RGS12: variants seen among roughly 807,000 people sequenced by gnomAD.
The protein encoded by RGS12 is regulator of G protein signaling 12.
In RGS12, 66 loss-of-function variants were observed where a neutral mutation model predicts 120.1. The observed-to-expected ratio is 0.55, with a 90% CI of 0.45 to 0.67. RGS12 has a LOEUF of 0.67. Among genes scored for constraint, RGS12 ranks in the 30% least tolerant of loss-of-function variants. RGS12 has a pLI of 0.00. For synonymous variants in RGS12, 827 were observed against 804.7 expected (o/e 1.03, Z -0.47); for missense variants, 1,859 against 1,957.7 (o/e 0.95, Z 0.95).
At chr4:3,423,225 C>A (rs113198618) in intron 12 of RGS12, among the ~76,000 whole-genome samples, 1 of 152,196 alleles carries the variant, frequency 6.6e-6, no homozygotes, top group Non-Finnish European at 1.5e-5. Context: ...GCCCAGCCCC[C>A]TAAGATGCCG....
At chr4:3,342,427 C>T (rs976840582) in intron 2 of RGS12, 35 of 1,266,796 alleles carry the variant, frequency 2.8e-5, no homozygotes, top group Non-Finnish European at 3.2e-5. Flanking sequence ...TTATTTCCTG[C>T]GCCGGAGTTG....
intron 1 of RGS12, among the ~76,000 whole-genome samples, chr4:3,293,435 C>A (rs1331169228): frequency 1.9e-4 from 28 of 145,718 alleles, no homozygotes; most frequent in Non-Finnish European, 3.2e-4. Context: ...GCGGGACCCG[C>A]GGGGGCGGCG....
At position 3,430,392 on chromosome 4, in the gene RGS12, GT is replaced by G; in HGVS notation, c.3566-11del. 1 of 1,602,008 alleles carries G rather than the reference GT, an allele frequency of 6.2e-7. No individual in the cohort carries two copies. Among genetic ancestry groups the G allele is most frequent in the African/African-American group, 1.3e-5 (1 of 74,472 alleles). On this transcript the variant is annotated splice_polypyrimidine_tract_variant and intron_variant, in intron 16 of 17. Coordinates refer to ENST00000336727, the MANE Select transcript of RGS12 (RefSeq NM_001394154.1). ...ACTCTCTAAAACACGGTCACTCTGG[GT>G]TTTCTTCCAATAGAGTTTTTTGAGC...
At chr4:3,348,069 C>G (rs1713989381) in intron 3 of RGS12, among the ~76,000 whole-genome samples, 1 of 152,234 alleles carries the variant, frequency 6.6e-6, no homozygotes, top group Non-Finnish European at 1.5e-5. Context: ...CTTTGAGGCT[C>G]TCCAGAAGCT....
intron 14 of RGS12, among the ~76,000 whole-genome samples, chr4:3,427,727 C>T (rs557176599): frequency 6.6e-6 from 1 of 151,954 alleles, no homozygotes; most frequent in South Asian, 2.1e-4. Context: ...CAGAGTGAGA[C>T]TCTGTCTCAA....
Position 3,389,284 on chromosome 4 carries a change from T to C in RGS12, c.2020+2847T>C, listed in dbSNP as rs1454846018. ...CCTCGGGAAAAAGGGTTACAGCTGG[T>C]CTCTGGGGGGCACGGCAGGGCTGTG... On this transcript the variant is annotated intron_variant, in intron 4 of 17. Coordinates refer to ENST00000336727, the MANE Select transcript of RGS12 (RefSeq NM_001394154.1). The surrounding 1 kb of genome is among the most constrained non-coding windows in gnomAD (Gnocchi z 5.2). Among the ~76,000 whole-genome samples the C allele has an allele frequency of 6.6e-6, 1 of 152,012 alleles. No homozygotes were observed. Among genetic ancestry groups the C allele is most frequent in the Admixed American group, 6.6e-5 (1 of 15,266 alleles).
chr4:3,297,054 G>A (rs893739578), intron 1 of RGS12, among the ~76,000 whole-genome samples: 4 of 152,230 alleles, frequency 2.6e-5, no homozygotes, highest in African/African-American at 4.8e-5. Context: ...TGTGTTAGAA[G>A]TTCCCTTCTT....
rs1725162247 is a variant in RGS12, at chr4:3,439,691, C to T, written c.*7C>T. Reference sequence around the variant, plus strand: ...CCACGCCACCTTCGTCTGAGCTGCCCTGGCCTGGCCAACTCTCCTGTGGAC... The same window carrying T: ...CCACGCCACCTTCGTCTGAGCTGCCTTGGCCTGGCCAACTCTCCTGTGGAC... On this transcript the variant is annotated 3_prime_UTR_variant, in exon 18 of 18. Transcript: ENST00000336727. 2 of 1,495,620 alleles carry T rather than the reference C, an allele frequency of 1.3e-6. No individual in the cohort carries two copies. Among genetic ancestry groups the T allele is most frequent in the Non-Finnish European group, 1.8e-6 (2 of 1,120,980 alleles). 92.6% of individuals were successfully genotyped at this position (1,495,620 alleles called of 1,614,324 possible).
intron 17 of RGS12, among the ~76,000 whole-genome samples, chr4:3,435,101 G>C (rs1724681886): frequency 6.6e-6 from 1 of 152,144 alleles, no homozygotes; most frequent in Non-Finnish European, 1.5e-5. Context: ...TCAACCTGGA[G>C]GCCCCAGTGT....
At chr4:3,388,516 T>C (rs1345648901) in intron 4 of RGS12, among the ~76,000 whole-genome samples, 1 of 152,196 alleles carries the variant, frequency 6.6e-6, no homozygotes. Context: ...GCAGGTGAGA[T>C]GGCCAGACTC....
intron 1 of RGS12, among the ~76,000 whole-genome samples, chr4:3,311,319 G>C (rs1724388715): frequency 6.6e-6 from 1 of 152,212 alleles, no homozygotes; most frequent in African/African-American, 2.4e-5. Context: ...TGCAGGTCTT[G>C]GGTGCTGCCC....
chr4:3,424,191 C>T (rs552416798), intron 13 of RGS12, among the ~76,000 whole-genome samples: 2 of 152,376 alleles, frequency 1.3e-5, no homozygotes, highest in South Asian at 4.1e-4. Context: ...CGCGAGATGG[C>T]GAGAGCTGGG....
chr4:3,431,133 C>T, intron 17 of RGS12, 178 bp downstream of exon 17: 1 of 1,431,184 alleles, frequency 7.0e-7, no homozygotes, highest in Admixed American at 2.9e-5. Context: ...GCTCGTGTGG[C>T]CCCAGGCCAG....
intron 1 of RGS12, among the ~76,000 whole-genome samples, chr4:3,303,712 G>A (rs1331064274): frequency 3.9e-5 from 6 of 152,212 alleles, no homozygotes; most frequent in African/African-American, 1.2e-4. Context: ...CGGAGCTACA[G>A]AAGCTAAAGC....
intron 2 of RGS12, among the ~76,000 whole-genome samples, chr4:3,318,575 G>A (rs1181681692): frequency 6.6e-6 from 1 of 152,250 alleles, no homozygotes; most frequent in Non-Finnish European, 1.5e-5. Flanking sequence ...TGGGCCTGGG[G>A]AGCCCCACGC....
intron 4 of RGS12, among the ~76,000 whole-genome samples, chr4:3,410,303 G>A (rs1198326057): frequency 6.6e-6 from 1 of 152,188 alleles, no homozygotes; most frequent in Non-Finnish European, 1.5e-5. Flanking sequence ...GTAGAGATAG[G>A]GTCTCACTGT....
rs757360667 is a variant in RGS12 at position 3,316,658 on chromosome 4, C to T, written c.488C>T (p.Pro163Leu). 1.2e-6 allele frequency: 2 copies of T among 1,614,032 alleles called. No homozygotes were observed. Among genetic ancestry groups the T allele is most frequent in the South Asian group, 2.2e-5 (2 of 91,078 alleles). Reference protein sequence around the residue: ...NPSLCASNSEPLKLKQRSLSE... With the variant: ...NPSLCASNSELLKLKQRSLSE... ...AGCCTTTGTGCGAGCAATTCAGAGCCCTTGAAATTGAAACAAAGATCCCTT... is the reference window on the plus strand; with the variant it reads ...AGCCTTTGTGCGAGCAATTCAGAGCTCTTGAAATTGAAACAAAGATCCCTT... The change falls in exon 2 of 18, where the codon CCC becomes CTC. Residue 163 changes from proline to leucine, a missense_variant. By Grantham distance (98) the Pro-to-Leu change is moderately conservative (BLOSUM62 -3). Coordinates refer to ENST00000336727, the MANE Select transcript of RGS12 (RefSeq NM_001394154.1).
At chr4:3,417,238 G>A (rs1050747157) in intron 8 of RGS12, 146 bp downstream of exon 8, 1 of 1,310,268 alleles carries the variant, frequency 7.6e-7, no homozygotes, top group South Asian at 1.5e-5. Flanking sequence ...GCTGCTGTCT[G>A]GAGTCCTGTC....
rs1209413660 is a variant in RGS12 at position 3,389,788 on chromosome 4, G to A, written c.2020+3351G>A. Reference sequence around the variant, plus strand: ...CTGTGCGGCTCTGGCTTTGGGGGACGGTGGCAGGTCCACATGACACCCCAC... The same window carrying A: ...CTGTGCGGCTCTGGCTTTGGGGGACAGTGGCAGGTCCACATGACACCCCAC... On this transcript the variant is annotated intron_variant, in intron 4 of 17. Transcript: ENST00000336727. The surrounding 1 kb of genome is among the most constrained non-coding windows in gnomAD (Gnocchi z 5.2). Among the ~76,000 whole-genome samples the A allele has an allele frequency of 2.6e-5, 4 of 152,158 alleles. No individual in the cohort carries two copies. The highest frequency in any genetic ancestry group is 5.9e-5 in the Non-Finnish European group (4 of 68,020).
Sources: gnomAD v4.1 joint callset for allele counts (sites outside exome capture counted in the v4.1 genomes callset) on GRCh38, gnomAD v4.1.1 for gene constraint, Gnocchi (gnomAD v3.1) non-coding constraint, MANE v1.5 for transcripts, NCBI Gene and HGNC (gene_info 2026-07-23, HGNC 2026-07-21) for gene names.